The following CUX1 variants were observed in gnomAD, a reference collection of about 807,000 sequenced individuals.
The protein encoded by CUX1 is protein CASP.
Under a neutral mutation model 158.8 loss-of-function variants are expected in CUX1, and 31 were observed. The ratio of observed to expected loss-of-function variants is 0.20; its 90% CI spans 0.15 to 0.26. The LOEUF (loss-of-function observed/expected upper bound fraction) is 0.26. Ranked by LOEUF, CUX1 falls within the 10% of genes least tolerant of loss-of-function variation. The pLI is 1.00. For missense variants in CUX1, 1,589 were observed against 2,014.6 expected (o/e 0.79, Z 4.04); for synonymous variants, 879 against 862.1 (o/e 1.02, Z -0.34).
At position 101,915,233 on chromosome 7, in the gene CUX1, G is replaced by A. The variant is rs181074810; in HGVS notation, c.31-882G>A. ...CTGTCAGCCTGGAACACCATTCTGG[G>A]GCCATCTGCTGCAGGCTTGTTGGAA... On this transcript the variant is annotated intron_variant, in intron 1 of 23. Coordinates refer to ENST00000292535, the MANE Select transcript of CUX1 (RefSeq NM_181552.4). Among the ~76,000 whole-genome samples, 21 of 152,236 alleles carry A rather than the reference G, an allele frequency of 1.4e-4. No individual in the cohort carries two copies. In the East Asian group the frequency reaches 3.7e-3, roughly 27 times the overall value.
chr7:102,220,081 C>T (rs1041399972), intron 20 of CUX1, among the ~76,000 whole-genome samples: 6 of 152,184 alleles, frequency 3.9e-5, no homozygotes, highest in Admixed American at 3.9e-4. Context: ...GGCACAGGGC[C>T]GGGCACAGTG....
At chr7:101,969,495 C>T (rs1402560594) in intron 2 of CUX1, among the ~76,000 whole-genome samples, 1 of 152,020 alleles carries the variant, frequency 6.6e-6, no homozygotes, top group African/African-American at 2.4e-5. Context: ...TGAAATTCAC[C>T]TCCTTTGACA....
At chr7:101,984,093 T>A (rs147961296) in intron 2 of CUX1, among the ~76,000 whole-genome samples, 17,010 of 46,726 alleles carry the variant, frequency 0.36, 4,088 homozygotes, top group East Asian at 0.59. Context: ...AAAAAAAATA[T>A]ATATATATAT....
intron 1 of CUX1, chr7:101,822,647 T>C (rs1185724419): frequency 6.6e-6 from 1 of 152,456 alleles, no homozygotes; most frequent in Non-Finnish European, 1.5e-5. Flanking sequence ...ATGCCTGTAA[T>C]CCCAGCACTT....
At chr7:102,075,132 T>C (rs1480304381) in intron 4 of CUX1, among the ~76,000 whole-genome samples, 1 of 152,194 alleles carries the variant, frequency 6.6e-6, no homozygotes, top group African/African-American at 2.4e-5. Context: ...GTGCTGGGAT[T>C]ACAGGCGTGA....
intron 2 of CUX1, among the ~76,000 whole-genome samples, chr7:102,010,997 C>T (rs912000085): frequency 2.0e-5 from 3 of 152,030 alleles, no homozygotes; most frequent in Non-Finnish European, 4.4e-5. Context: ...CCTGTAATCC[C>T]AGCTACTCAG....
intron 3 of CUX1, among the ~76,000 whole-genome samples, chr7:102,054,122 C>T (rs988938731): frequency 1.3e-5 from 2 of 152,096 alleles, no homozygotes; most frequent in Admixed American, 6.6e-5. Flanking sequence ...TTTTCAGTTT[C>T]TTGGTAGCGT....
intron 23 of CUX1, among the ~76,000 whole-genome samples, chr7:102,247,504 G>A (rs1800939847): frequency 6.6e-6 from 1 of 152,222 alleles, no homozygotes; most frequent in Admixed American, 6.5e-5. Flanking sequence ...AGCGGGATGG[G>A]ATGGGATGGA....
intron 1 of CUX1, among the ~76,000 whole-genome samples, chr7:101,836,080 C>T (rs558527375): frequency 2.0e-5 from 3 of 152,320 alleles, no homozygotes; most frequent in East Asian, 1.9e-4. Context: ...TATAGTCACC[C>T]TGTTGTGCTG....
intron 16 of CUX1, among the ~76,000 whole-genome samples, chr7:102,274,999 G>C (rs1283241564): frequency 2.0e-5 from 3 of 152,164 alleles, no homozygotes; most frequent in African/African-American, 7.2e-5. Flanking sequence ...GCAGACGGGG[G>C]TGCTGGGCCC....
intron 1 of CUX1, among the ~76,000 whole-genome samples, chr7:101,860,656 T>G (rs768917651): frequency 1.3e-5 from 2 of 152,062 alleles, no homozygotes; most frequent in Admixed American, 6.6e-5. Context: ...CTGTCTGTCT[T>G]TCCTTCCTTT....
chr7:101,962,245 A>G (rs1445651694), intron 2 of CUX1, among the ~76,000 whole-genome samples: 7 of 152,222 alleles, frequency 4.6e-5, no homozygotes. Flanking sequence ...TTTCCCTGCA[A>G]TTCATCTTGC....
chr7:101,983,416 C>T (rs951470168), intron 2 of CUX1, among the ~76,000 whole-genome samples: 1 of 152,188 alleles, frequency 6.6e-6, no homozygotes, highest in Admixed American at 6.5e-5. Flanking sequence ...TGAGGTGGTT[C>T]AGTTTTTTTC....
chr7:101,821,849 G>GTTT lies in CUX1; in HGVS notation c.30+4185_30+4187dup, dbSNP rs763323114. On this transcript the variant is annotated intron_variant, in intron 1 of 23. Transcript: ENST00000292535. ...GCCACCATGCCTGGCTAGTTTTTTT[G>GTTT]TTTTTTTGTTTTTTTTTTTTTTTGA... Among the ~76,000 whole-genome samples the GTTT allele has an allele frequency of 2.8e-3, 194 of 69,758 alleles. 1 individual carries two copies. Among genetic ancestry groups the GTTT allele is most frequent in the South Asian group, 3.8e-3 (9 of 2,366 alleles). 45.8% of individuals were successfully genotyped at this position (69,758 alleles called of 152,430 possible). A position where few individuals can be genotyped will look rare whatever the true frequency, so the allele number is the denominator to read the frequency against.
chr7:101,859,767 G>C (rs964684069), intron 1 of CUX1, among the ~76,000 whole-genome samples: 1 of 152,124 alleles, frequency 6.6e-6, no homozygotes, highest in Non-Finnish European at 1.5e-5. Flanking sequence ...TTCATGGGTA[G>C]TATCTTTAAG....
intron 6 of CUX1, among the ~76,000 whole-genome samples, chr7:102,108,221 G>T (rs1398335617): frequency 6.6e-6 from 1 of 152,186 alleles, no homozygotes; most frequent in Non-Finnish European, 1.5e-5. Context: ...AATATAATAT[G>T]AAGTCAAAAC....
At chr7:102,217,913 G>A (rs905841930) in intron 20 of CUX1, among the ~76,000 whole-genome samples, 3 of 150,388 alleles carry the variant, frequency 2.0e-5, no homozygotes, top group Non-Finnish European at 4.4e-5. Context: ...GGATGGACAC[G>A]ATGGTGTCTA....
At chr7:101,991,851 C>G (rs1815180781) in intron 2 of CUX1, among the ~76,000 whole-genome samples, 1 of 151,696 alleles carries the variant, frequency 6.6e-6, no homozygotes, top group Non-Finnish European at 1.5e-5. Context: ...CACTTGAGTT[C>G]AGGAGTTCAA....
intron 20 of CUX1, among the ~76,000 whole-genome samples, chr7:102,222,883 G>A (rs892258909): frequency 3.1e-5 from 4 of 130,452 alleles, no homozygotes; most frequent in Non-Finnish European, 6.3e-5. Flanking sequence ...GCAATGACAC[G>A]ATGTCAGCTC....
Sources: allele counts gnomAD v4.1 joint callset (sites outside exome capture counted in the v4.1 genomes callset), GRCh38; gene constraint gnomAD v4.1.1; transcripts MANE v1.5; gene names NCBI Gene and HGNC (gene_info 2026-07-23, HGNC 2026-07-21).